Variants in PKIA observed in about 807,000 individuals in gnomAD.
PKIA encodes cAMP-dependent protein kinase inhibitor alpha, also known as PKI-alpha.
A neutral mutation model predicts 7.6 loss-of-function variants in PKIA; 4 were observed. That is an observed-to-expected ratio of 0.52 (90% confidence interval 0.26 to 1.20). The LOEUF (loss-of-function observed/expected upper bound fraction) is 1.20, where lower values mean the gene tolerates loss of function less well. Ranked by LOEUF, PKIA falls within the 50% of genes most tolerant of loss-of-function variation. The probability of loss-of-function intolerance (pLI) is 0.13; values close to 1 mark genes in which losing one functional copy is unlikely to be tolerated. For synonymous variants in PKIA, 21 were observed against 30.7 expected (o/e 0.68, Z 1.04); for missense variants, 73 against 86.2 (o/e 0.85, Z 0.61).
chr8:78,543,896 A>T (rs1331480970), intron 1 of PKIA, among the ~76,000 whole-genome samples: 2 of 152,052 alleles, frequency 1.3e-5, no homozygotes, highest in African/African-American at 4.8e-5. Flanking sequence ...GTTCCAACCT[A>T]TGGCTGCAGC....
intron 2 of PKIA, chr8:78,591,418 A>G (rs1026980769): frequency 6.6e-6 from 1 of 152,628 alleles, no homozygotes; most frequent in African/African-American, 2.4e-5. Context: ...AAAGGAAAAG[A>G]TCAGCACAGA....
intron 1 of PKIA, among the ~76,000 whole-genome samples, chr8:78,542,154 C>A (rs1051917399): frequency 2.6e-5 from 4 of 152,158 alleles, no homozygotes; most frequent in African/African-American, 4.8e-5. Flanking sequence ...CAGAGCAAGA[C>A]CCTGTCTCAA....
chr8:78,596,745 G>A (rs937482049), intron 2 of PKIA, among the ~76,000 whole-genome samples: 11 of 152,228 alleles, frequency 7.2e-5, no homozygotes, highest in Non-Finnish European at 1.5e-4. Context: ...ATTTGCAAGG[G>A]CCTATGTCCA....
intron 1 of PKIA, among the ~76,000 whole-genome samples, chr8:78,562,353 A>T (rs569100910): frequency 6.6e-6 from 1 of 152,164 alleles, no homozygotes; most frequent in South Asian, 2.1e-4. Flanking sequence ...TTTTATTTTT[A>T]TAGGAGACTC....
chr8:78,551,639 GAGAC>G (rs1177159210), intron 1 of PKIA, among the ~76,000 whole-genome samples: 1 of 151,974 alleles, frequency 6.6e-6, no homozygotes, highest in Non-Finnish European at 1.5e-5. Context: ...TTAAATGCTA[GAGAC>G]AGGGAAGGAT....
intron 3 of PKIA, among the ~76,000 whole-genome samples, chr8:78,599,582 T>C (rs1808307228): frequency 1.3e-5 from 2 of 152,044 alleles, no homozygotes; most frequent in Non-Finnish European, 2.9e-5. Context: ...AATAAAACTT[T>C]AACATCACCA....
At chr8:78,577,608 C>A (rs7011634) in intron 2 of PKIA, among the ~76,000 whole-genome samples, 1 of 151,736 alleles carries the variant, frequency 6.6e-6, no homozygotes, top group Non-Finnish European at 1.5e-5. Flanking sequence ...TATTCATATA[C>A]GACTACAATT....
chr8:78,602,156 T>C lies in PKIA; in HGVS notation c.*335T>C. The C allele has an allele frequency of 4.3e-6, 1 of 232,786 alleles. No individual in the cohort carries two copies. Among genetic ancestry groups the C allele is most frequent in the East Asian group, 1.1e-4 (1 of 9,368 alleles). 14.4% of individuals were successfully genotyped at this position (232,786 alleles called of 1,614,324 possible). On this transcript the variant is annotated 3_prime_UTR_variant, in exon 4 of 4. Transcript: ENST00000396418. The stretch of plus-strand genomic sequence containing the variant: ...TCCTGTAGCATCTGGCCCCTCACAA[T>C]GTCAGAGGATTTAATTGTGTCTAAT...
At chr8:78,548,598 C>T (rs866780326) in intron 1 of PKIA, among the ~76,000 whole-genome samples, 1 of 151,988 alleles carries the variant, frequency 6.6e-6, no homozygotes, top group Non-Finnish European at 1.5e-5. Flanking sequence ...TTTGTGGAAA[C>T]AAAGAATTAA....
At chr8:78,534,363 C>A (rs556773714) in intron 1 of PKIA, 2 of 152,162 alleles carry the variant, frequency 1.3e-5, no homozygotes, top group South Asian at 4.1e-4. Context: ...TCTTTCTTGG[C>A]GGATTAGATG....
At chr8:78,547,123 T>G (rs992563317) in intron 1 of PKIA, among the ~76,000 whole-genome samples, 6 of 152,174 alleles carry the variant, frequency 3.9e-5, no homozygotes, top group Non-Finnish European at 7.3e-5. Flanking sequence ...TTGTTTGTTT[T>G]TTTGTGATTG....
chr8:78,532,591 T>C (rs1280120875), intron 1 of PKIA, among the ~76,000 whole-genome samples: 1 of 151,612 alleles, frequency 6.6e-6, no homozygotes, highest in African/African-American at 2.4e-5. Context: ...TACTATTGCA[T>C]CGGGTCACTG....
chr8:78,563,925 C>T (rs1323914687), intron 1 of PKIA, among the ~76,000 whole-genome samples: 1 of 152,008 alleles, frequency 6.6e-6, no homozygotes, highest in Non-Finnish European at 1.5e-5. Context: ...AGACTCAGTG[C>T]TGTGAAGTTC....
intron 1 of PKIA, among the ~76,000 whole-genome samples, chr8:78,552,615 G>A (rs967887217): frequency 1.3e-5 from 2 of 151,974 alleles, no homozygotes; most frequent in East Asian, 1.9e-4. Context: ...CCCTTAACAG[G>A]AACATGCATG....
chr8:78,572,440 T>C (rs755071205), intron 1 of PKIA, among the ~76,000 whole-genome samples: 6 of 151,686 alleles, frequency 4.0e-5, no homozygotes, highest in Non-Finnish European at 7.4e-5. Flanking sequence ...AAAGTGAATA[T>C]TAAAGAAAAG....
At chr8:78,520,677 T>G (rs1185038139) in intron 1 of PKIA, among the ~76,000 whole-genome samples, 1 of 152,160 alleles carries the variant, frequency 6.6e-6, no homozygotes. Context: ...TTCCAGTGCT[T>G]TTTAAACTTT....
At chr8:78,545,969 T>A (rs1806811325) in intron 1 of PKIA, among the ~76,000 whole-genome samples, 1 of 152,220 alleles carries the variant, frequency 6.6e-6, no homozygotes. Flanking sequence ...TATCCCATTC[T>A]GTTTGAATTT....
intron 2 of PKIA, among the ~76,000 whole-genome samples, chr8:78,589,019 G>A (rs1808028281): frequency 6.6e-6 from 1 of 152,130 alleles, no homozygotes; most frequent in Non-Finnish European, 1.5e-5. Flanking sequence ...AGTAGCTGAA[G>A]TAAAATTGTA....
chr8:78,556,520 C>A (rs977639723), intron 1 of PKIA: 1 of 152,030 alleles, frequency 6.6e-6, no homozygotes, highest in Admixed American at 6.6e-5. Flanking sequence ...AAGTCAGCTC[C>A]TCGATTTGCC....
Sources: allele counts gnomAD v4.1 joint callset (sites outside exome capture counted in the v4.1 genomes callset), GRCh38; gene constraint gnomAD v4.1.1; transcripts MANE v1.5; gene names NCBI Gene and HGNC (gene_info 2026-07-23, HGNC 2026-07-21).